CCDC66: variants seen among roughly 807,000 people sequenced by gnomAD.
The protein encoded by CCDC66 is coiled-coil domain containing 66.
Under a neutral mutation model 128.3 loss-of-function variants are expected in CCDC66, and 133 were observed. The observed-to-expected ratio is 1.04, with a 90% CI of 0.90 to 1.20. CCDC66 has a LOEUF of 1.20. Among genes scored for constraint, CCDC66 ranks in the 50% most tolerant of loss-of-function variants. The pLI, the probability that CCDC66 is intolerant of heterozygous loss-of-function variation, is 0.00. For missense variants in CCDC66, 1,126 were observed against 1,075.5 expected (o/e 1.05, Z -0.66); for synonymous variants, 387 against 357.0 (o/e 1.08, Z -0.95).
chr3:56,615,505 T>C (rs2075377772), intron 12 of CCDC66: 3 of 436,504 alleles, frequency 6.9e-6, no homozygotes, highest in Non-Finnish European at 1.2e-5. Context: ...TCCCAAAGTG[T>C]TGGGATTACA....
chr3:56,569,189 A>G lies in CCDC66; in HGVS notation c.815-1992A>G, dbSNP rs373652743. The G allele has an allele frequency of 2.0e-3, 330 of 164,856 alleles. 9 individuals are homozygous for G. In the South Asian group the frequency reaches 0.043, roughly 22 times the overall value. 10.2% of individuals were successfully genotyped at this position (164,856 alleles called of 1,614,324 possible). A position where few individuals can be genotyped will look rare whatever the true frequency, so the allele number is the denominator to read the frequency against. ...AGACCCTATCTCTACAAAAAAACAG[A>G]GAGAAGCAGCAGAAATAAGGAGTGA... On this transcript the variant is annotated intron_variant, in intron 6 of 17. Transcript: ENST00000394672.
chr3:56,597,383 T>A (rs1176533140), intron 10 of CCDC66, among the ~76,000 whole-genome samples: 1 of 152,012 alleles, frequency 6.6e-6, no homozygotes, highest in Non-Finnish European at 1.5e-5. Flanking sequence ...TTATTACGGC[T>A]CTTTTTTGGT....
chr3:56,619,472 C>G lies in CCDC66; in HGVS notation c.2580C>G (p.Pro860=). ...CAAATGAGATCTATTACCTTGATCC[C>G]GATGCACCATTGTCTGGGCCTTCAA... ...VRTNEIYYLD[P]DAPLSGPSTQ... The change falls in exon 16 of 18, where the codon CCC becomes CCG. Residue 860 remains proline (P), a synonymous_variant. Transcript: ENST00000394672. 6.2e-7 allele frequency: 1 copy of G among 1,613,924 alleles called. No individual in the cohort carries two copies. Among genetic ancestry groups the G allele is most frequent in the Non-Finnish European group, 8.5e-7 (1 of 1,179,940 alleles).
intron 2 of CCDC66, 75 bp downstream of exon 2, chr3:56,558,985 T>G (rs912100846): frequency 1.8e-6 from 2 of 1,087,810 alleles, no homozygotes; most frequent in Non-Finnish European, 2.7e-6. Context: ...TCAACAGACT[T>G]TTTGCTTGTA....
intron 3 of CCDC66, among the ~76,000 whole-genome samples, chr3:56,561,731 T>G (rs1463892959): frequency 2.6e-5 from 4 of 152,202 alleles, no homozygotes; most frequent in Admixed American, 2.6e-4. Flanking sequence ...CTTCCTTTTT[T>G]GTTTTGTTTT....
intron 1 of CCDC66, among the ~76,000 whole-genome samples, chr3:56,558,522 T>G (rs2107687158): frequency 6.6e-6 from 1 of 152,336 alleles, no homozygotes; most frequent in African/African-American, 2.4e-5. Context: ...TTCCTTTAAC[T>G]TATGTGAGGA....
chr3:56,615,144 A>G lies in CCDC66; in HGVS notation c.1583A>G (p.Lys528Arg), dbSNP rs2075328864. Residue 528 changes from lysine (K) to arginine (R), a missense_variant, in exon 12 of 18, where the codon AAG (lysine) becomes AGG (arginine). Lys to Arg is a conservative substitution (Grantham distance 26). Transcript: ENST00000394672. ...TATTGACAGGAAATCATGACTCTCA[A>G]GACAAATGAGCTATTCCAGACAATG... is the stretch of plus-strand genomic sequence containing the variant. ...QKQKEEIMTLKTNELFQTMQR... is the reference protein window; with the variant it reads ...QKQKEEIMTLRTNELFQTMQR... 1.2e-6 allele frequency: 2 copies of G among 1,613,588 alleles called. No individual in the cohort carries two copies. The highest frequency in any genetic ancestry group is 1.7e-6 in the Non-Finnish European group (2 of 1,179,728).
At position 56,616,006 on chromosome 3, in the gene CCDC66, C is replaced by A. The variant is rs758872702; in HGVS notation, c.1796C>A (p.Thr599Lys). 9 of 1,574,542 alleles carry A rather than the reference C, an allele frequency of 5.7e-6. No individual in the cohort carries two copies. The highest frequency in any genetic ancestry group is 7.7e-6 in the Non-Finnish European group (9 of 1,167,862). ...DSDEISGKMN[T>K]YMNSTTSKKD... ...GATGAAATCAGTGGTAAAATGAATA[C>A]ATATATGAATTCTACGACTTCTAAG... is the stretch of plus-strand genomic sequence containing the variant. The change falls in exon 13 of 18, where the codon ACA becomes AAA. Residue 599 changes from threonine (T) to lysine (K), a missense_variant. Physicochemically the swap from Thr to Lys is moderately conservative, Grantham distance 78 (BLOSUM62 -1). Coordinates refer to ENST00000394672, the MANE Select transcript of CCDC66 (RefSeq NM_001141947.3).
In CCDC66 at chr3:56,566,648, T is replaced by C. The variant is rs200227044; in HGVS notation, c.599T>C (p.Ile200Thr). Residue 200 changes from isoleucine to threonine, a missense_variant, in exon 5 of 18, where the codon ATT becomes ACT. By Grantham distance (89) the Ile-to-Thr change is moderately conservative. Transcript: ENST00000394672. ...TCTAATCAGCCAAAGGATGAGAACATTATGGGATTATTCAAAAAAACTGAA... is the reference window on the plus strand; with the variant it reads ...TCTAATCAGCCAAAGGATGAGAACACTATGGGATTATTCAAAAAAACTGAA... ...SISNQPKDEN[I>T]MGLFKKTEMV... 4,827 of 1,602,166 alleles carry C rather than the reference T, an allele frequency of 3.0e-3. 175 individuals are homozygous for C. The South Asian group carries it at 0.05, about 17-fold the overall frequency.
rs1351599777 is a variant in CCDC66 at position 56,563,787 on chromosome 3, A to G, written c.206A>G (p.Gln69Arg). The change falls in exon 4 of 18, where the codon CAA becomes CGA. Residue 69 changes from glutamine to arginine, a missense_variant. By Grantham distance (43) the Gln-to-Arg change is conservative (BLOSUM62 1). Transcript: ENST00000394672. ...DTCIGSEKLL[Q>R]KKPVGSETSQ... ...TGTATTGGGAGTGAAAAACTTTTGC[A>G]AAAGAAGCCAGTTGGTTCAGAAACA... is the stretch of plus-strand genomic sequence containing the variant. The G allele has an allele frequency of 1.3e-6, 2 of 1,551,984 alleles. No homozygotes were observed. The highest frequency in any genetic ancestry group is 2.0e-5 in the Admixed American group (1 of 51,010).
At chr3:56,580,933 T>A (rs2068254903) in intron 7 of CCDC66, among the ~76,000 whole-genome samples, 1 of 151,828 alleles carries the variant, frequency 6.6e-6, no homozygotes, top group East Asian at 2.0e-4. Flanking sequence ...TTCTCTGTAT[T>A]TCCTGAATTT....
rs1339762473 is a variant in CCDC66, at chr3:56,582,901, G to T, written c.937-10069G>T. On this transcript the variant is annotated intron_variant, in intron 7 of 17. Transcript: ENST00000394672. ...ATTATTATTATTATTATTAGATAGG[G>T]TCTCATAACCTGTCACCCAGGCTAG... Among the ~76,000 whole-genome samples, 15 of 137,428 alleles carry T rather than the reference G, an allele frequency of 1.1e-4. No homozygotes were observed. The East Asian group carries it at 2.5e-3, about 23-fold the overall frequency. 90.2% of individuals were successfully genotyped at this position (137,428 alleles called of 152,430 possible).
At position 56,621,514 on chromosome 3, in the gene CCDC66, AT is replaced by A; in HGVS notation, c.2761-17del. On this transcript the variant is annotated splice_polypyrimidine_tract_variant and intron_variant, in intron 17 of 17. Transcript: ENST00000394672. ...GTGTGCACATTTTACTAACAAACAT[AT>A]ATCAATGTGATTTCAGGGCCTTCTC... The A allele has an allele frequency of 6.5e-7, 1 of 1,534,656 alleles. No individual in the cohort carries two copies. The highest frequency in any genetic ancestry group is 8.9e-7 in the Non-Finnish European group (1 of 1,125,370).
At chr3:56,595,497 T>C (rs1461904405) in intron 10 of CCDC66, among the ~76,000 whole-genome samples, 3 of 152,226 alleles carry the variant, frequency 2.0e-5, no homozygotes, top group African/African-American at 7.2e-5. Context: ...GAACATGTGA[T>C]GTTTATCTTT....
chr3:56,580,585 G>C (rs1313960520), intron 7 of CCDC66, among the ~76,000 whole-genome samples: 1 of 151,866 alleles, frequency 6.6e-6, no homozygotes, highest in Non-Finnish European at 1.5e-5. Flanking sequence ...TCCTTCAGGA[G>C]CTCTTGTAAG....
At chr3:56,584,975 G>A (rs560183936) in intron 7 of CCDC66, among the ~76,000 whole-genome samples, 10 of 151,832 alleles carry the variant, frequency 6.6e-5, no homozygotes, top group African/African-American at 1.9e-4. Context: ...GCCTGCAGTC[G>A]CAGGCACTCG....
At chr3:56,567,400 TAAAA>T (rs752980476) in intron 6 of CCDC66, among the ~76,000 whole-genome samples, 1 of 151,834 alleles carries the variant, frequency 6.6e-6, no homozygotes, top group African/African-American at 2.4e-5. Flanking sequence ...AATAAATAAA[TAAAA>T]AAGAATATGT....
In CCDC66 at chr3:56,617,161, A is replaced by G. The variant is rs2107396256; in HGVS notation, c.1893A>G (p.Ser631=). ...IFTNAESHCG[S]LMERDITNCS... ...CCAATGCAGAATCACATTGTGGATC[A>G]TTAATGGAGAGGGACATCACAAATT... Residue 631 remains serine (S), a synonymous_variant, in exon 14 of 18, where the codon TCA becomes TCG. Transcript: ENST00000394672. 1 of 1,607,646 alleles carries G rather than the reference A, an allele frequency of 6.2e-7. No homozygotes were observed. Among genetic ancestry groups the G allele is most frequent in the Non-Finnish European group, 8.5e-7 (1 of 1,177,352 alleles).
chr3:56,557,640 G>C (rs1339929528), intron 1 of CCDC66: 1 of 230,632 alleles, frequency 4.3e-6, no homozygotes, highest in African/African-American at 2.3e-5. Flanking sequence ...CTTGTTTTTG[G>C]AGTCTTGCAG....
Sources: allele counts gnomAD v4.1 joint callset (sites outside exome capture counted in the v4.1 genomes callset), GRCh38; gene constraint gnomAD v4.1.1; transcripts MANE v1.5; gene names NCBI Gene and HGNC (gene_info 2026-07-23, HGNC 2026-07-21).